Variants in SNX25 observed in about 807,000 individuals in gnomAD.
The protein encoded by SNX25 is sorting nexin 25.
Under a neutral mutation model 113.7 loss-of-function variants are expected in SNX25, and 62 were observed. The ratio of observed to expected loss-of-function variants is 0.55; its 90% CI spans 0.44 to 0.67. SNX25 has a LOEUF of 0.67. Ranked by LOEUF, SNX25 falls within the 30% of genes least tolerant of loss-of-function variation. The pLI is 0.00. For synonymous variants in SNX25, 421 were observed against 436.2 expected (o/e 0.97, Z 0.43); for missense variants, 1,014 against 1,161.0 (o/e 0.87, Z 1.84).
At chr4:185,269,198 A>G (rs1748562194) in intron 5 of SNX25, among the ~76,000 whole-genome samples, 1 of 148,586 alleles carries the variant, frequency 6.7e-6, no homozygotes, top group African/African-American at 2.4e-5. Flanking sequence ...GCATCATTCT[A>G]TAAAAGTGAA....
intron 6 of SNX25, among the ~76,000 whole-genome samples, chr4:185,297,362 C>T (rs1752979630): frequency 6.6e-6 from 1 of 152,190 alleles, no homozygotes; most frequent in South Asian, 2.1e-4. Context: ...CTAATCCTTT[C>T]CCTTATCTGT....
At chr4:185,283,280 T>C (rs1237708611) in intron 5 of SNX25, among the ~76,000 whole-genome samples, 1 of 152,180 alleles carries the variant, frequency 6.6e-6, no homozygotes, top group Non-Finnish European at 1.5e-5. Context: ...GGAGCAAATA[T>C]TTTATTCTAT....
chr4:185,247,651 C>T (rs1282805174), intron 2 of SNX25, among the ~76,000 whole-genome samples: 1 of 152,136 alleles, frequency 6.6e-6, no homozygotes, highest in African/African-American at 2.4e-5. Flanking sequence ...TCTGTTCTCT[C>T]TTTTCTAAAA....
intron 1 of SNX25, 53 bp from the exon 2 acceptor site, chr4:185,247,241 A>G (rs1455445568): frequency 4.3e-6 from 5 of 1,171,250 alleles, no homozygotes; most frequent in South Asian, 1.5e-5. Context: ...TTTTTTTTTT[A>G]TGTGATTTAT....
At chr4:185,286,238 C>T (rs1163232973) in intron 5 of SNX25, among the ~76,000 whole-genome samples, 2 of 152,176 alleles carry the variant, frequency 1.3e-5, no homozygotes, top group African/African-American at 4.8e-5. Context: ...GCCTCAGCCT[C>T]CATAGTAGCT....
At chr4:185,361,879 A>C in intron 16 of SNX25, 45 bp from the exon 17 acceptor site, 1 of 1,596,978 alleles carries the variant, frequency 6.3e-7, no homozygotes, top group Non-Finnish European at 8.6e-7. Context: ...AATAGAGTAC[A>C]CAATTTTTAA....
chr4:185,371,261 T>C (rs115957650), downstream of SNX25, among the ~76,000 whole-genome samples: 2,011 of 152,174 alleles, frequency 0.013, 42 homozygotes, highest in South Asian at 0.092. Context: ...GACAATTGGC[T>C]GGGCGCGGTG....
In SNX25 at chr4:185,232,419, GC is replaced by G. The variant is rs1742011293; in HGVS notation, c.430-14873del. Among the ~76,000 whole-genome samples the G allele has an allele frequency of 6.6e-6, 1 of 151,924 alleles. No homozygotes were observed. The highest frequency in any genetic ancestry group is 1.5e-5 in the Non-Finnish European group (1 of 68,000). ...AATGCAATTTTCTTCCCTTTTATGG[GC>G]CGACCCCTCCTCTGCATCCTGTTTG... On this transcript the variant is annotated intron_variant, in intron 1 of 18. Coordinates refer to ENST00000652585, the MANE Select transcript of SNX25 (RefSeq NM_001378034.2). The surrounding 1 kb of genome is among the most constrained non-coding windows in gnomAD (Gnocchi z 4.4).
intron 1 of SNX25, among the ~76,000 whole-genome samples, chr4:185,239,327 C>CAAAA (rs746514279): frequency 5.9e-5 from 9 of 151,910 alleles, no homozygotes; most frequent in East Asian, 5.8e-4. Flanking sequence ...ACTAAAAATG[C>CAAAA]AAAAAATTAG....
intron 1 of SNX25, among the ~76,000 whole-genome samples, chr4:185,231,668 G>A (rs567047352): frequency 2.0e-5 from 3 of 150,572 alleles, no homozygotes; most frequent in South Asian, 4.2e-4. Context: ...CTAAGATGGC[G>A]CCACTGCACT....
intron 3 of SNX25, among the ~76,000 whole-genome samples, chr4:185,260,139 C>T (rs370150649): frequency 3.3e-5 from 5 of 151,766 alleles, no homozygotes; most frequent in African/African-American, 9.7e-5. Flanking sequence ...CTTTTTTTAA[C>T]GTTTTTTTAA....
intron 16 of SNX25, among the ~76,000 whole-genome samples, chr4:185,359,142 CA>C (rs2095351206): frequency 1.3e-5 from 2 of 152,054 alleles, no homozygotes; most frequent in South Asian, 4.2e-4. Context: ...TGCTTCAGCC[CA>C]GAAGTTTACG....
chr4:185,378,278 C>G, the SNX25 span: 3 of 1,556,610 alleles, frequency 1.9e-6, no homozygotes, highest in South Asian at 3.7e-5. Context: ...AGACTCTATT[C>G]CCACCAGGTG....
intron 6 of SNX25, among the ~76,000 whole-genome samples, chr4:185,298,401 T>C (rs1463350564): frequency 6.6e-6 from 1 of 152,170 alleles, no homozygotes; most frequent in Admixed American, 6.6e-5. Flanking sequence ...TAGTAACTTC[T>C]TAATTGGCCT....
chr4:185,275,400 T>G (rs566170641), intron 5 of SNX25, among the ~76,000 whole-genome samples: 9 of 152,312 alleles, frequency 5.9e-5, no homozygotes, highest in African/African-American at 2.2e-4. Context: ...GTGGTTTCTG[T>G]TTTACTAGGA....
intron 13 of SNX25, 76 bp from the exon 14 acceptor site, chr4:185,351,369 G>C: frequency 6.7e-7 from 1 of 1,482,822 alleles, no homozygotes; most frequent in African/African-American, 1.4e-5. Flanking sequence ...GCTCTGCCTC[G>C]CTCACCTTTA....
chr4:185,285,395 A>G (rs1366503238), intron 5 of SNX25, among the ~76,000 whole-genome samples: 1 of 152,236 alleles, frequency 6.6e-6, no homozygotes, highest in Non-Finnish European at 1.5e-5. Flanking sequence ...CATTGGCCAT[A>G]CTCATTATTG....
chr4:185,252,553 T>A (rs11727573), intron 2 of SNX25, among the ~76,000 whole-genome samples: 3 of 152,208 alleles, frequency 2.0e-5, no homozygotes, highest in Non-Finnish European at 4.4e-5. Flanking sequence ...AACATTATGG[T>A]ACCATTTTAT....
In SNX25 at chr4:185,212,491, G is replaced by GTTTGTTT. The variant is rs1553980597; in HGVS notation, c.429+2239_429+2240insGTTTTTT. On this transcript the variant is annotated intron_variant, in intron 1 of 18. Coordinates refer to ENST00000652585, the MANE Select transcript of SNX25 (RefSeq NM_001378034.2). ...TGTGTGTGTGTGTGTGTGTGTGTGT[G>GTTTGTTT]TTTTTTTTTTTTTTTGCTTTGAGAC... Among the ~76,000 whole-genome samples, 6 of 104,940 alleles carry GTTTGTTT rather than the reference G, an allele frequency of 5.7e-5. No individual in the cohort carries two copies. In the Admixed American group the frequency reaches 6.4e-4, roughly 11 times the overall value. The allele number at this position is 104,940 out of a possible 152,430, so 68.8% of individuals were successfully genotyped here.
Sources: gnomAD v4.1 joint callset for allele counts (sites outside exome capture counted in the v4.1 genomes callset) on GRCh38, gnomAD v4.1.1 for gene constraint, Gnocchi (gnomAD v3.1) non-coding constraint, MANE v1.5 for transcripts, NCBI Gene and HGNC (gene_info 2026-07-23, HGNC 2026-07-21) for gene names.